CROCC2: variants seen among roughly 807,000 people sequenced by gnomAD.
CROCC2 encodes ciliary rootlet coiled-coil, rootletin family member 2, also known as ciliary rootlet coiled-coil protein 2.
CROCC2 carries 163 observed loss-of-function variants against 177.6 expected under a neutral mutation model. That is an observed-to-expected ratio of 0.92 (90% CI 0.81 to 1.05). The LOEUF is 1.05. Ranked by LOEUF, CROCC2 falls within the 50% of genes least tolerant of loss-of-function variation. The pLI is 0.00. For synonymous variants in CROCC2, 904 were observed against 787.3 expected (o/e 1.15, Z -2.48); for missense variants, 1,929 against 1,797.8 (o/e 1.07, Z -1.32).
intron 1 of CROCC2, among the ~76,000 whole-genome samples, chr2:240,915,175 C>A (rs187832198): frequency 6.6e-6 from 1 of 152,296 alleles, no homozygotes; most frequent in African/African-American, 2.4e-5. Flanking sequence ...ACCTCCCGGC[C>A]CCCCATTCCA....
Position 240,965,814 on chromosome 2 carries a change from G to A in CROCC2, c.3782G>A (p.Arg1261His), listed in dbSNP as rs562621293. 1.1e-4 allele frequency: 161 copies of A among 1,466,190 alleles called. No homozygotes were observed. In the South Asian group the frequency reaches 1.8e-3, roughly 16 times the overall value. 90.8% of individuals were successfully genotyped at this position (1,466,190 alleles called of 1,614,324 possible). ...GGTGTGGCTGATGCTCTCCAGGCTC[G>A]CCTGGACCAGGCCTGTCACCGAATC... ...ASGVADALQA[R>H]LDQACHRIHS... The change falls in exon 24 of 32, where the codon CGC becomes CAC. Residue 1261 changes from arginine (R) to histidine (H), a missense_variant. By Grantham distance (29) the Arg-to-His change is conservative (BLOSUM62 0). This residue lies in a region of CROCC2 where 144 missense variants were observed against 205.2 expected (regional missense o/e 0.70). Transcript: ENST00000690015.
chr2:240,934,870 C>T (rs1184645958), intron 12 of CROCC2, 46 bp from the exon 13 acceptor site: 3 of 1,451,682 alleles, frequency 2.1e-6, no homozygotes, highest in Admixed American at 2.6e-5. Context: ...ACAGCCCTGC[C>T]CTGGAAGCTG....
chr2:240,958,690 C>A lies in CROCC2; in HGVS notation c.2944-611C>A. ...ACCCTTCATGTTGAGGACACTGAGG[C>A]CCAGGAAGCTGAGACCCCCTGAGCC... is the stretch of plus-strand genomic sequence containing the variant. On this transcript the variant is annotated intron_variant, in intron 19 of 31. Coordinates refer to ENST00000690015, the MANE Select transcript of CROCC2 (RefSeq NM_001351305.2). This position sits in a 1 kb window ranked among gnomAD's most constrained non-coding sequence, Gnocchi z 6.7. 2.8e-6 allele frequency: 2 copies of A among 705,978 alleles called. No individual in the cohort carries two copies. Among genetic ancestry groups the A allele is most frequent in the Non-Finnish European group, 3.5e-6 (2 of 574,374 alleles). 43.7% of individuals were successfully genotyped at this position (705,978 alleles called of 1,614,324 possible).
chr2:240,925,132 GA>G (rs1211662140), intron 4 of CROCC2, among the ~76,000 whole-genome samples: 1 of 152,200 alleles, frequency 6.6e-6, no homozygotes, highest in Non-Finnish European at 1.5e-5. Flanking sequence ...CAGGAATCTG[GA>G]AAAGGAATCA....
At chr2:240,966,472 C>G (rs1427230179) in intron 25 of CROCC2, 63 bp downstream of exon 25, 2 of 399,142 alleles carry the variant, frequency 5.0e-6, no homozygotes, top group Non-Finnish European at 8.8e-6. Flanking sequence ...GGGAAGAACA[C>G]CTGCTGTCCA....
At chr2:240,943,678 C>T (rs1325792014) in intron 14 of CROCC2, among the ~76,000 whole-genome samples, 1 of 151,912 alleles carries the variant, frequency 6.6e-6, no homozygotes, top group Non-Finnish European at 1.5e-5. Flanking sequence ...TGGGGTTTCG[C>T]CATGTTGGCC....
At chr2:240,948,289 G>A (rs2059534908) in intron 15 of CROCC2, among the ~76,000 whole-genome samples, 1 of 152,110 alleles carries the variant, frequency 6.6e-6, no homozygotes. Context: ...GCTTGGATGT[G>A]CTCTACCCCG....
intron 1 of CROCC2, among the ~76,000 whole-genome samples, chr2:240,907,259 T>C (rs1297038153): frequency 6.6e-6 from 1 of 152,134 alleles, no homozygotes; most frequent in Admixed American, 6.5e-5. Context: ...GCACCTGGTG[T>C]GTGACAACAG....
chr2:240,985,703 CT>C (rs2059835895), intron 28 of CROCC2, among the ~76,000 whole-genome samples: 1 of 95,668 alleles, frequency 1.0e-5, no homozygotes, highest in African/African-American at 4.7e-5. Flanking sequence ...CAGGCACTCA[CT>C]CCACACACAC....
chr2:240,911,139 T>A (rs1025889583), intron 1 of CROCC2, among the ~76,000 whole-genome samples: 5 of 151,910 alleles, frequency 3.3e-5, no homozygotes, highest in Non-Finnish European at 5.9e-5. Flanking sequence ...TCAAAAAAAA[T>A]AAAATAAATT....
At chr2:240,940,829 A>T (rs2059491152) in intron 14 of CROCC2, among the ~76,000 whole-genome samples, 1 of 152,150 alleles carries the variant, frequency 6.6e-6, no homozygotes, top group South Asian at 2.1e-4. Context: ...TCAACACAGA[A>T]CTGGAATTCT....
rs763563337 is a variant in CROCC2 at position 240,964,590 on chromosome 2, G to C, written c.3430G>C (p.Asp1144His). 6.5e-7 allele frequency: 1 copy of C among 1,549,524 alleles called. No homozygotes were observed. The highest frequency in any genetic ancestry group is 8.7e-7 in the Non-Finnish European group (1 of 1,146,780). ...HLWELEQAGG[D>H]ARQELRELHR... ...GTGGGAGCTGGAGCAGGCAGGGGGG[G>C]ACGCCCGTCAGGAGCTCCGGGAACT... The change falls in exon 22 of 32, where the codon GAC (aspartate) becomes CAC (histidine). Residue 1144 changes from aspartate to histidine, a missense_variant. Asp to His is a moderately conservative substitution (Grantham distance 81). Transcript: ENST00000690015.
intron 1 of CROCC2, among the ~76,000 whole-genome samples, chr2:240,912,147 T>G (rs536583152): frequency 1.3e-5 from 2 of 152,312 alleles, no homozygotes; most frequent in South Asian, 4.1e-4. Flanking sequence ...CAGGCAAGGT[T>G]TATCTGTCTG....
intron 1 of CROCC2, among the ~76,000 whole-genome samples, chr2:240,916,191 C>A (rs1193218038): frequency 6.6e-6 from 1 of 151,988 alleles, no homozygotes; most frequent in Non-Finnish European, 1.5e-5. Context: ...CTTAGGCTGG[C>A]GGCACAGGCC....
At position 240,946,108 on chromosome 2, in the gene CROCC2, C is replaced by A; in HGVS notation, c.2218C>A (p.Gln740Lys). 1.3e-6 allele frequency: 2 copies of A among 1,537,474 alleles called. No homozygotes were observed. The highest frequency in any genetic ancestry group is 1.8e-6 in the Non-Finnish European group (2 of 1,136,490). Reference sequence around the variant, plus strand: ...GGAGGAGCAGCTGGCTCAGAGCCTGCAGGACCAGGAGGCCCAGATGGGCAC... The same window carrying A: ...GGAGGAGCAGCTGGCTCAGAGCCTGAAGGACCAGGAGGCCCAGATGGGCAC... ...ALEEQLAQSL[Q>K]DQEAQMGTLQ... Residue 740 changes from glutamine (Q) to lysine (K), a missense_variant, in exon 15 of 32, where the codon CAG (glutamine) becomes AAG (lysine). Physicochemically the swap from Gln to Lys is moderately conservative, Grantham distance 53. This residue lies in a region of CROCC2 where 1,397 missense variants were observed against 1,239.9 expected (regional missense o/e 1.13). Transcript: ENST00000690015.
chr2:240,990,812 G>A lies in CROCC2; in HGVS notation c.4864-384G>A, dbSNP rs112177561. Among the ~76,000 whole-genome samples, 810 of 152,252 alleles carry A rather than the reference G, an allele frequency of 5.3e-3. 9 individuals carry two copies. The highest frequency in any genetic ancestry group is 0.02 in the Middle Eastern group (6 of 294). The stretch of plus-strand genomic sequence containing the variant: ...TTGGCCAGCCTGGTCTCAAACTCCT[G>A]ACCTCAGGTGATCCTGATGCCCAAG... On this transcript the variant is annotated intron_variant, in intron 30 of 31. Transcript: ENST00000690015.
chr2:240,920,313 A>G (rs1044487337), intron 3 of CROCC2, among the ~76,000 whole-genome samples, 179 bp downstream of exon 3: 1 of 152,208 alleles, frequency 6.6e-6, no homozygotes, highest in Non-Finnish European at 1.5e-5. Context: ...AAACTGAGGC[A>G]ACAGATGGGA....
intron 28 of CROCC2, 75 bp downstream of exon 28, chr2:240,983,104 G>C: frequency 7.2e-7 from 1 of 1,393,042 alleles, no homozygotes; most frequent in Non-Finnish European, 9.8e-7. Flanking sequence ...GAGGCCCTGT[G>C]GTCCTTTGCA....
intron 2 of CROCC2, 86 bp from the exon 3 acceptor site, chr2:240,919,897 C>G: frequency 3.2e-6 from 2 of 620,494 alleles, no homozygotes; most frequent in Non-Finnish European, 5.9e-6. Flanking sequence ...GTGGCCAGCC[C>G]AGGGTCCCAC....
Sources: gnomAD v4.1 joint callset for allele counts (sites outside exome capture counted in the v4.1 genomes callset) on GRCh38, gnomAD v4.1.1 for gene constraint, gnomAD v4.1.1 regional missense constraint, Gnocchi (gnomAD v3.1) non-coding constraint, MANE v1.5 for transcripts, NCBI Gene and HGNC (gene_info 2026-07-23, HGNC 2026-07-21) for gene names.